PCDHGA9: variants seen among roughly 807,000 people sequenced by gnomAD.
The protein encoded by PCDHGA9 is protocadherin gamma-A9.
In PCDHGA9, 37 loss-of-function variants were observed where a neutral mutation model predicts 62.5. The observed-to-expected ratio is 0.59, with a 90% CI of 0.46 to 0.78. The LOEUF (loss-of-function observed/expected upper bound fraction) is 0.78, where lower values mean the gene tolerates loss of function less well. PCDHGA9 is among the 30% of genes least tolerant of loss of function. The pLI is 0.00. For synonymous variants in PCDHGA9, 459 were observed against 484.6 expected, an observed-to-expected ratio of 0.95 and a Z score of 0.69; for missense variants, 1,138 against 1,166.2, an observed-to-expected ratio of 0.98 and a Z score of 0.35.
At position 141,404,057 on chromosome 5, in the gene PCDHGA9, T is replaced by G. The variant is rs558471539; in HGVS notation, c.1105T>G (p.Phe369Val). ...DAPQGTVILL[F>V]NAHDRDSGKN... ...ACCTCAGGGAACAGTAATTCTTCTT[T>G]TCAATGCTCATGACCGAGACTCCGG... The change falls in exon 1 of 4, where the codon TTC (phenylalanine) becomes GTC (valine). Residue 369 changes from phenylalanine (F) to valine (V), a missense_variant. Coordinates refer to ENST00000573521, the MANE Select transcript of PCDHGA9 (RefSeq NM_018921.3). 9.5e-5 allele frequency: 154 copies of G among 1,613,894 alleles called. No individual in the cohort carries two copies. The East Asian group carries it at 3.4e-3, about 36-fold the overall frequency.
rs188117490 is a variant in PCDHGA9 at position 141,507,256 on chromosome 5, C to G, written c.2572+1775C>G. 3 of 152,178 alleles carry G rather than the reference C, an allele frequency of 2.0e-5. No individual in the cohort carries two copies. In the East Asian group the frequency reaches 5.8e-4, roughly 29 times the overall value. The allele number at this position is 152,178 out of a possible 1,614,324, so 9.4% of individuals were successfully genotyped here. ...CAGTTACAGTTGAATGTCAGATAAA[C>G]AGCAAGTACTATTTCAGCATAAGTC... On this transcript the variant is annotated intron_variant, in intron 3 of 3. Coordinates refer to ENST00000573521, the MANE Select transcript of PCDHGA9 (RefSeq NM_018921.3).
At chr5:141,454,123 C>CT (rs1273558932) in intron 1 of PCDHGA9, among the ~76,000 whole-genome samples, 5 of 152,194 alleles carry the variant, frequency 3.3e-5, no homozygotes, top group Non-Finnish European at 7.3e-5. Flanking sequence ...GAAGAAATAG[C>CT]TGACCATGGG....
chr5:141,505,628 A>C, intron 3 of PCDHGA9, 147 bp downstream of exon 3: 1 of 1,481,752 alleles, frequency 6.7e-7, no homozygotes, highest in Non-Finnish European at 9.0e-7. Flanking sequence ...ACAATTCCAA[A>C]CATAAAGCCT....
intron 1 of PCDHGA9, among the ~76,000 whole-genome samples, chr5:141,443,594 T>C (rs1040469046): frequency 1.3e-5 from 2 of 152,234 alleles, no homozygotes; most frequent in Non-Finnish European, 2.9e-5. Flanking sequence ...CAGAATGTGG[T>C]ATATGAAATG....
rs759945612 is a variant in PCDHGA9 at position 141,409,754 on chromosome 5, C to T, written c.2424+4378C>T. ...GCAGAGCGGGGTGGTGTTCGCGCAG[C>T]GCGCCTTTGATCACGAGCAGCTGCG... On this transcript the variant is annotated intron_variant, in intron 1 of 3. Coordinates refer to ENST00000573521, the MANE Select transcript of PCDHGA9 (RefSeq NM_018921.3). 3 of 1,612,880 alleles carry T rather than the reference C, an allele frequency of 1.9e-6. No individual in the cohort carries two copies. In the Admixed American group the frequency reaches 5.0e-5, roughly 27 times the overall value.
intron 1 of PCDHGA9, chr5:141,475,983 C>A: frequency 9.5e-7 from 1 of 1,049,244 alleles, no homozygotes; most frequent in Non-Finnish European, 1.4e-6. Context: ...GAACAGCCGG[C>A]GAGCAAATCA....
At chr5:141,501,409 A>G (rs1358547245) in intron 2 of PCDHGA9, among the ~76,000 whole-genome samples, 1 of 151,978 alleles carries the variant, frequency 6.6e-6, no homozygotes, top group African/African-American at 2.4e-5. Context: ...ACTGCTTGGA[A>G]AATAGTTGAC....
intron 1 of PCDHGA9, chr5:141,418,575 C>T (rs2154547779): frequency 6.2e-7 from 1 of 1,614,018 alleles, no homozygotes; most frequent in East Asian, 2.2e-5. Context: ...AATGACAACC[C>T]CCCAGTGTTC....
intron 1 of PCDHGA9, among the ~76,000 whole-genome samples, chr5:141,460,407 TTG>T: frequency 6.6e-6 from 1 of 152,188 alleles, no homozygotes; most frequent in Non-Finnish European, 1.5e-5. Flanking sequence ...TCCTTTTGAG[TTG>T]ATGTTTATGT....
intron 1 of PCDHGA9, chr5:141,423,216 G>A (rs376530221): frequency 1.2e-6 from 2 of 1,613,632 alleles, no homozygotes; most frequent in African/African-American, 2.7e-5. Flanking sequence ...CGCTCACCGT[G>A]GCTGTGGCCG....
At chr5:141,447,947 A>G (rs2098555998) in intron 1 of PCDHGA9, among the ~76,000 whole-genome samples, 1 of 151,958 alleles carries the variant, frequency 6.6e-6, no homozygotes, top group South Asian at 2.1e-4. Flanking sequence ...TTAGCTGGGC[A>G]TGGTGGCGGA....
At position 141,477,961 on chromosome 5, in the gene PCDHGA9, C is replaced by G. The variant is rs199947431; in HGVS notation, c.2425-16846C>G. On this transcript the variant is annotated intron_variant, in intron 1 of 3. Transcript: ENST00000573521. The surrounding 1 kb of genome is among the most constrained non-coding windows in gnomAD (Gnocchi z 4.9). ...CCTACAGTCTCTTGGGATCCCCTAA[C>G]CAGAGCCTTTTTGCCATAGGGCTGC... 10 of 1,614,166 alleles carry G rather than the reference C, an allele frequency of 6.2e-6. No individual in the cohort carries two copies. Among genetic ancestry groups the G allele is most frequent in the Middle Eastern group, 3.3e-4 (2 of 6,062 alleles).
In PCDHGA9 at chr5:141,423,466, G is replaced by T. The variant is rs770939556; in HGVS notation, c.2424+18090G>T. On this transcript the variant is annotated intron_variant, in intron 1 of 3. Coordinates refer to ENST00000573521, the MANE Select transcript of PCDHGA9 (RefSeq NM_018921.3). Reference sequence around the variant, plus strand: ...GTCACATTTTGTAGGCGTGGACGGGGTACAGGCTTTCCTGCAAACCTATTC... The same window carrying T: ...GTCACATTTTGTAGGCGTGGACGGGTTACAGGCTTTCCTGCAAACCTATTC... 6 of 1,614,022 alleles carry T rather than the reference G, an allele frequency of 3.7e-6. No homozygotes were observed. In the Admixed American group the frequency reaches 5.0e-5, roughly 13 times the overall value.
rs369886570 is a variant in PCDHGA9 at position 141,487,839 on chromosome 5, G to A, written c.2425-6968G>A. ...GGGGGCGGGTCATGCCTATATCTGAGTAAGAAATGAAAGTAATTGGTGATC... is the reference window on the plus strand; with the variant it reads ...GGGGGCGGGTCATGCCTATATCTGAATAAGAAATGAAAGTAATTGGTGATC... On this transcript the variant is annotated intron_variant, in intron 1 of 3. Transcript: ENST00000573521. The surrounding 1 kb of genome is among the most constrained non-coding windows in gnomAD (Gnocchi z 5.0). The A allele has an allele frequency of 2.7e-6, 3 of 1,103,412 alleles. No homozygotes were observed. Among genetic ancestry groups the A allele is most frequent in the African/African-American group, 1.6e-5 (1 of 63,054 alleles). The allele number at this position is 1,103,412 out of a possible 1,614,324, so 68.4% of individuals were successfully genotyped here.
intron 1 of PCDHGA9, chr5:141,421,983 T>G: frequency 6.2e-7 from 1 of 1,609,228 alleles, no homozygotes; most frequent in Non-Finnish European, 8.5e-7. Context: ...GCGTGAGTGT[T>G]CCAGAAAACA....
Position 141,404,261 on chromosome 5 carries a change from C to G in PCDHGA9, c.1309C>G (p.His437Asp). The change falls in exon 1 of 4, where the codon CAC becomes GAC. Residue 437 changes from histidine to aspartate, a missense_variant. Coordinates refer to ENST00000573521, the MANE Select transcript of PCDHGA9 (RefSeq NM_018921.3). ...AACTCCGCCCCTGTCCACAGAAATT[C>G]ACATCACCCTGCAAGTGACTGACAT... ...RGTPPLSTEI[H>D]ITLQVTDIND... The G allele has an allele frequency of 6.2e-7, 1 of 1,613,950 alleles. No individual in the cohort carries two copies.
intron 1 of PCDHGA9, chr5:141,415,748 T>A: frequency 9.9e-7 from 1 of 1,008,964 alleles, no homozygotes; most frequent in Non-Finnish European, 1.2e-6. Context: ...AGGTTTTTTT[T>A]TTTTTTTTTT....
Position 141,476,201 on chromosome 5 carries a change from G to C in PCDHGA9, c.2425-18606G>C. ...GCTTCTGCTTGGTGCCTTGAACAAG[G>C]CTTCCACGGTCATTCACTATGAGAT... is the stretch of plus-strand genomic sequence containing the variant. On this transcript the variant is annotated intron_variant, in intron 1 of 3. Coordinates refer to ENST00000573521, the MANE Select transcript of PCDHGA9 (RefSeq NM_018921.3). This position sits in a 1 kb window ranked among gnomAD's most constrained non-coding sequence, Gnocchi z 7.6. 6.2e-7 allele frequency: 1 copy of C among 1,613,986 alleles called. No individual in the cohort carries two copies. The highest frequency in any genetic ancestry group is 8.5e-7 in the Non-Finnish European group (1 of 1,180,028).
chr5:141,466,121 C>CA (rs908379481), intron 1 of PCDHGA9, among the ~76,000 whole-genome samples: 24 of 146,876 alleles, frequency 1.6e-4, no homozygotes, highest in East Asian at 8.0e-4. Context: ...GACTCCAGCT[C>CA]AAAAAAAAAA....
Sources: gnomAD v4.1 joint callset for allele counts (sites outside exome capture counted in the v4.1 genomes callset) on GRCh38, gnomAD v4.1.1 for gene constraint, Gnocchi (gnomAD v3.1) non-coding constraint, MANE v1.5 for transcripts, NCBI Gene and HGNC (gene_info 2026-07-23, HGNC 2026-07-21) for gene names.